The following CBFA2T2 variants were observed in gnomAD, a reference collection of about 807,000 sequenced individuals.
CBFA2T2 encodes CBFA2/RUNX1 partner transcriptional co-repressor 2, also known as protein CBFA2T2.
CBFA2T2 carries 11 observed loss-of-function variants against 62.2 expected under a neutral mutation model. The observed-to-expected ratio is 0.18, with a 90% CI of 0.11 to 0.29. CBFA2T2 has a LOEUF of 0.29. CBFA2T2 is among the 10% of genes least tolerant of loss of function. The probability of loss-of-function intolerance (pLI) is 1.00; values close to 1 mark genes in which losing one functional copy is unlikely to be tolerated. For synonymous variants in CBFA2T2, 295 were observed against 287.5 expected (o/e 1.03, Z -0.27); for missense variants, 592 against 774.1 (o/e 0.76, Z 2.79).
intron 1 of CBFA2T2, among the ~76,000 whole-genome samples, chr20:33,535,666 T>TTTTA (rs559246712): frequency 5.4e-5 from 8 of 148,046 alleles, no homozygotes; most frequent in South Asian, 2.1e-4. Flanking sequence ...TTTTATTTTA[T>TTTTA]TTTATTTATT....
chr20:33,549,272 A>G (rs1323312334), intron 1 of CBFA2T2, among the ~76,000 whole-genome samples: 2 of 137,892 alleles, frequency 1.5e-5, no homozygotes, highest in Non-Finnish European at 3.2e-5. Flanking sequence ...AACTGGACAA[A>G]TTTATAAAAA....
chr20:33,492,923 A>C (rs75468402), intron 1 of CBFA2T2, among the ~76,000 whole-genome samples: 1 of 151,846 alleles, frequency 6.6e-6, no homozygotes, highest in South Asian at 2.1e-4. Context: ...ATGCCTGGCT[A>C]ATTTTTTTTT....
intron 1 of CBFA2T2, among the ~76,000 whole-genome samples, chr20:33,517,340 A>G (rs965339137): frequency 3.3e-5 from 5 of 152,170 alleles, no homozygotes; most frequent in Admixed American, 6.6e-5. Context: ...GCAGGCCTAA[A>G]TCCACAGAAG....
At chr20:33,518,705 G>A (rs2011648004) in intron 1 of CBFA2T2, among the ~76,000 whole-genome samples, 2 of 151,368 alleles carry the variant, frequency 1.3e-5, no homozygotes, top group South Asian at 4.2e-4. Context: ...CCGAGTGGCA[G>A]AGGTTGCGGT....
intron 1 of CBFA2T2, chr20:33,574,107 G>A: frequency 6.5e-7 from 1 of 1,546,092 alleles, no homozygotes. Context: ...ATATTATGAT[G>A]AAGATTGAGG....
At chr20:33,519,178 T>C (rs1036944702) in intron 1 of CBFA2T2, among the ~76,000 whole-genome samples, 2 of 152,020 alleles carry the variant, frequency 1.3e-5, no homozygotes, top group East Asian at 1.9e-4. Flanking sequence ...AAAAAAAATA[T>C]ACAGATTGTG....
intron 1 of CBFA2T2, among the ~76,000 whole-genome samples, chr20:33,600,816 C>T (rs759489159): frequency 2.6e-5 from 4 of 152,130 alleles, no homozygotes; most frequent in Non-Finnish European, 5.9e-5. Flanking sequence ...TTCCCTAAGG[C>T]CTGGCAAATC....
chr20:33,624,002 C>G, intron 5 of CBFA2T2: 1 of 556,196 alleles, frequency 1.8e-6, no homozygotes, highest in Non-Finnish European at 3.2e-6. Flanking sequence ...AAAAGAAATA[C>G]AATCTGCCAA....
intron 1 of CBFA2T2, among the ~76,000 whole-genome samples, chr20:33,545,372 ATTAGTGGGATTG>A: frequency 6.6e-6 from 1 of 152,222 alleles, no homozygotes; most frequent in Non-Finnish European, 1.5e-5. Context: ...AATGCAAGTT[ATTAGTGGGATTG>A]TTAGTGGGAT....
chr20:33,602,046 C>T (rs927393908), intron 1 of CBFA2T2: 5 of 152,080 alleles, frequency 3.3e-5, no homozygotes, highest in African/African-American at 4.8e-5. Flanking sequence ...GGCTTATCCT[C>T]GTGTCTAGCA....
chr20:33,544,371 T>G (rs192825396), intron 1 of CBFA2T2, among the ~76,000 whole-genome samples: 4 of 152,264 alleles, frequency 2.6e-5, no homozygotes, highest in Admixed American at 2.0e-4. Context: ...TTCCCTTCTC[T>G]GCAAGGTCAA....
At chr20:33,574,113 T>A in intron 1 of CBFA2T2, 1 of 1,578,818 alleles carries the variant, frequency 6.3e-7, no homozygotes, top group Non-Finnish European at 8.6e-7. Flanking sequence ...TGATGAAGAT[T>A]GAGGATGGTA....
chr20:33,556,374 C>T (rs1449237441), intron 1 of CBFA2T2, among the ~76,000 whole-genome samples: 1 of 152,052 alleles, frequency 6.6e-6, no homozygotes, highest in Non-Finnish European at 1.5e-5. Context: ...TCCTTAATGC[C>T]TCATTTAAGG....
At chr20:33,532,616 TTAGATCCTTTTAACA>T (rs1184349905) in intron 1 of CBFA2T2, among the ~76,000 whole-genome samples, 1 of 152,224 alleles carries the variant, frequency 6.6e-6, no homozygotes, top group Non-Finnish European at 1.5e-5. Flanking sequence ...ACAAGGTGTG[TTAGATCCTTTTAACA>T]TTTCAGAGCA....
intron 7 of CBFA2T2, among the ~76,000 whole-genome samples, 161 bp from the exon 8 acceptor site, chr20:33,629,558 A>T (rs774857960): frequency 1.3e-5 from 2 of 152,240 alleles, no homozygotes; most frequent in Non-Finnish European, 2.9e-5. Flanking sequence ...TTCCTAGCTG[A>T]TGGAGAAACA....
At chr20:33,592,978 A>G (rs2014727701) in intron 1 of CBFA2T2, among the ~76,000 whole-genome samples, 1 of 152,182 alleles carries the variant, frequency 6.6e-6, no homozygotes, top group Non-Finnish European at 1.5e-5. Flanking sequence ...CATTGTAAAG[A>G]AGCTATATTT....
chr20:33,547,467 C>T (rs946889161), intron 1 of CBFA2T2, among the ~76,000 whole-genome samples: 1 of 152,118 alleles, frequency 6.6e-6, no homozygotes, highest in African/African-American at 2.4e-5. Flanking sequence ...CTTTGGGAGG[C>T]TTAGGCAGGT....
At position 33,649,163 on chromosome 20, in the gene CBFA2T2, AT is replaced by A. The variant is rs886224367; in HGVS notation, c.*4528del. The stretch of plus-strand genomic sequence containing the variant: ...CAGTAGACCAAACCAACTTCCTTAG[AT>A]TTTTTTTTTTAAGCTGTTTGCAGAA... On this transcript the variant is annotated 3_prime_UTR_variant, in exon 11 of 11. Coordinates refer to ENST00000342704, the MANE Select transcript of CBFA2T2 (RefSeq NM_001032999.3). 6.2e-3 allele frequency: 920 copies of A among 148,580 alleles called. 9 individuals are homozygous for A. The highest frequency in any genetic ancestry group is 0.021 in the African/African-American group (836 of 40,438). The allele number at this position is 148,580 out of a possible 1,614,324, so 9.2% of individuals were successfully genotyped here. A position where few individuals can be genotyped will look rare whatever the true frequency, so the allele number is the denominator to read the frequency against.
At chr20:33,514,103 A>G (rs1713592285) in intron 1 of CBFA2T2, among the ~76,000 whole-genome samples, 2 of 146,164 alleles carry the variant, frequency 1.4e-5, no homozygotes, top group Admixed American at 1.4e-4. Flanking sequence ...GGATTTTACC[A>G]TGTTGGTCAG....
Sources: allele counts gnomAD v4.1 joint callset (sites outside exome capture counted in the v4.1 genomes callset), GRCh38; gene constraint gnomAD v4.1.1; transcripts MANE v1.5; gene names NCBI Gene and HGNC (gene_info 2026-07-23, HGNC 2026-07-21).